The following ZNF469 variants were observed in gnomAD, a reference collection of about 807,000 sequenced individuals.
ZNF469 encodes the protein zinc finger protein 469.
Under a neutral mutation model 1.0 loss-of-function variants are expected in ZNF469, and 1 was observed. The observed-to-expected ratio is 1.00, with a 90% CI of 0.35 to 4.73. The LOEUF (loss-of-function observed/expected upper bound fraction) is 4.73, where lower values mean the gene tolerates loss of function less well. Ranked by LOEUF, ZNF469 falls within the 30% of genes most tolerant of loss-of-function variation. The pLI, the probability that ZNF469 is intolerant of heterozygous loss-of-function variation, is 0.16. For missense variants in ZNF469, 6,100 were observed against 5,356.3 expected (o/e 1.14, Z -4.33); for synonymous variants, 2,703 against 2,363.4 (o/e 1.14, Z -4.17).
the ZNF469 span, among the ~76,000 whole-genome samples, chr16:88,287,918 A>G: frequency 6.6e-6 from 1 of 152,096 alleles, no homozygotes. Flanking sequence ...TTTAGAAATG[A>G]TTTGAGATTT....
At chr16:88,293,961 G>A in the ZNF469 span, among the ~76,000 whole-genome samples, 2 of 152,276 alleles carry the variant, frequency 1.3e-5, no homozygotes, top group Non-Finnish European at 2.9e-5. Flanking sequence ...ACCACGAGAC[G>A]GCCTTTACTC....
At chr16:88,140,473 A>AGCCGTGTAGAAATCGGACGGT in the ZNF469 span, among the ~76,000 whole-genome samples, 1 of 151,240 alleles carries the variant, frequency 6.6e-6, no homozygotes, top group African/African-American at 2.5e-5. Context: ...GGTAGCACGG[A>AGCCGTGTAGAAATCGGACGGT]AAGTCAGTGA....
At chr16:88,211,018 G>A in the ZNF469 span, among the ~76,000 whole-genome samples, 1 of 152,276 alleles carries the variant, frequency 6.6e-6, no homozygotes, top group Non-Finnish European at 1.5e-5. Context: ...CGGCCGTTGA[G>A]TGGCCTTGGC....
chr16:88,279,143 C>T, the ZNF469 span, among the ~76,000 whole-genome samples: 2 of 133,686 alleles, frequency 1.5e-5, no homozygotes, highest in East Asian at 2.6e-4. Context: ...CTGCACCACG[C>T]CGACACTTGG....
rs202129382 is a variant in ZNF469, at chr16:88,436,165, G to A, written c.8695G>A (p.Gly2899Ser). 192 of 1,547,694 alleles carry A rather than the reference G, an allele frequency of 1.2e-4. No individual in the cohort carries two copies. In the African/African-American group the frequency reaches 1.5e-3, roughly 12 times the overall value. ...AACCCAGCCCAGCTTTGAGGAGGGC[G>A]GTGACCCCACGCTGGGCCCAGCCCG... ...LPTQPSFEEGGDPTLGPARLP... is the reference protein window; with the variant it reads ...LPTQPSFEEGSDPTLGPARLP... The change falls in exon 3 of 3, where the codon GGT becomes AGT. Residue 2899 changes from glycine (G) to serine (S), a missense_variant. Physicochemically the swap from Gly to Ser is moderately conservative, Grantham distance 56. Transcript: ENST00000565624.
intron 1 of ZNF469, among the ~76,000 whole-genome samples, 133 bp downstream of exon 1, chr16:88,383,387 C>T (rs2092530341): frequency 6.8e-6 from 1 of 147,874 alleles, no homozygotes; most frequent in African/African-American, 2.4e-5. Context: ...GGGGCCGCTC[C>T]CCGGCGGGGC....
the ZNF469 span, among the ~76,000 whole-genome samples, chr16:88,270,173 C>A: frequency 6.6e-6 from 1 of 152,168 alleles, no homozygotes; most frequent in Non-Finnish European, 1.5e-5. Flanking sequence ...CCTGGATGAC[C>A]CCAAGCCCAT....
the ZNF469 span, among the ~76,000 whole-genome samples, chr16:88,279,393 AGTGCACGG>A: frequency 1.3e-5 from 2 of 151,068 alleles, no homozygotes; most frequent in Admixed American, 6.6e-5. Context: ...TGTAGATATC[AGTGCACGG>A]TTAGTGCTGT....
chr16:88,433,109 G>T lies in ZNF469; in HGVS notation c.5639G>T (p.Ser1880Ile). 6.5e-7 allele frequency: 1 copy of T among 1,550,346 alleles called. No individual in the cohort carries two copies. Residue 1880 changes from serine (S) to isoleucine (I), a missense_variant, in exon 3 of 3, where the codon AGT becomes ATT. Physicochemically the swap from Ser to Ile is moderately radical, Grantham distance 142. Transcript: ENST00000565624. The stretch of plus-strand genomic sequence containing the variant: ...GAGGCTTGGTTGGTCCCTGTGCCAA[G>T]TCCCGCCTGTGTATCCAACACCCAC... The part of the protein sequence containing the change: ...GREAWLVPVP[S>I]PACVSNTHPS...
the ZNF469 span, among the ~76,000 whole-genome samples, chr16:88,236,295 C>G: frequency 6.6e-6 from 1 of 152,248 alleles, no homozygotes; most frequent in African/African-American, 2.4e-5. Context: ...GTCAAACACT[C>G]TATTCCTTCC....
chr16:88,130,189 G>A, the ZNF469 span, among the ~76,000 whole-genome samples: 5 of 152,144 alleles, frequency 3.3e-5, no homozygotes, highest in East Asian at 1.9e-4. Flanking sequence ...ATCGGGGTGC[G>A]TGCGCAGGAA....
upstream of ZNF469, among the ~76,000 whole-genome samples, chr16:88,381,200 TCA>T (rs1186304004): frequency 1.2e-4 from 6 of 50,422 alleles, no homozygotes; most frequent in African/African-American, 1.0e-3. Context: ...ACACATGCAT[TCA>T]CAGACACACA....
rs1281556109 is a variant in ZNF469 at position 88,431,097 on chromosome 16, C to G, written c.3627C>G (p.Thr1209=). ...ATCCCCTGCAGGTCCCCACCAACAC[C>G]GAGACCTCAGAGGAAACCCGCCCGT... ...PKDPLQVPTN[T]ETSEETRPSL... Residue 1209 remains threonine (T), a synonymous_variant, in exon 3 of 3, where the codon ACC becomes ACG. Coordinates refer to ENST00000565624, the MANE Select transcript of ZNF469 (RefSeq NM_001367624.2). 2.6e-6 allele frequency: 4 copies of G among 1,550,240 alleles called. No homozygotes were observed. The highest frequency in any genetic ancestry group is 2.4e-5 in the East Asian group (1 of 40,916).
chr16:88,318,271 C>T, the ZNF469 span, among the ~76,000 whole-genome samples: 1 of 152,240 alleles, frequency 6.6e-6, no homozygotes, highest in Non-Finnish European at 1.5e-5. Flanking sequence ...GCAAAGCCCC[C>T]AGTGGGCCCG....
the ZNF469 span, among the ~76,000 whole-genome samples, chr16:88,237,601 CTGTG>C: frequency 8.9e-5 from 4 of 45,178 alleles, 1 homozygote; most frequent in African/African-American, 1.7e-4. Flanking sequence ...TCCCTGCCCT[CTGTG>C]CTCCTGCCAG....
chr16:88,435,823 T>C lies in ZNF469; in HGVS notation c.8353T>C (p.Ser2785Pro). The change falls in exon 3 of 3, where the codon TCA becomes CCA. Residue 2785 changes from serine (S) to proline (P), a missense_variant. Ser to Pro is a moderately conservative substitution (Grantham distance 74). Coordinates refer to ENST00000565624, the MANE Select transcript of ZNF469 (RefSeq NM_001367624.2). ...AEDSSRAHSR[S>P]EEGVWEENTP... Reference sequence around the variant, plus strand: ...GGACAGCAGCAGGGCCCACAGCCGATCAGAGGAAGGTGTCTGGGAGGAGAA... The same window carrying C: ...GGACAGCAGCAGGGCCCACAGCCGACCAGAGGAAGGTGTCTGGGAGGAGAA... 6.4e-7 allele frequency: 1 copy of C among 1,550,500 alleles called. No homozygotes were observed. The highest frequency in any genetic ancestry group is 2.4e-5 in the East Asian group (1 of 40,912).
In ZNF469 at chr16:88,434,058, C is replaced by T; in HGVS notation, c.6588C>T (p.Pro2196=). The T allele has an allele frequency of 1.9e-6, 3 of 1,550,328 alleles. No homozygotes were observed. Among genetic ancestry groups the T allele is most frequent in the Non-Finnish European group, 1.7e-6 (2 of 1,146,902 alleles). ...GGGCTGAGGATTCCCCGGTGGCTCCCCCGTCTTTGACAACAAGCCCCTGCG... is the reference window on the plus strand; with the variant it reads ...GGGCTGAGGATTCCCCGGTGGCTCCTCCGTCTTTGACAACAAGCCCCTGCG... ...DTGAEDSPVA[P]PSLTTSPCDP... The change falls in exon 3 of 3, where the codon CCC becomes CCT. Residue 2196 remains proline (P), a synonymous_variant. Coordinates refer to ENST00000565624, the MANE Select transcript of ZNF469 (RefSeq NM_001367624.2).
In ZNF469 at chr16:88,431,507, C is replaced by G; in HGVS notation, c.4037C>G (p.Ser1346Cys). The G allele has an allele frequency of 6.4e-7, 1 of 1,550,446 alleles. No homozygotes were observed. The highest frequency in any genetic ancestry group is 1.4e-5 in the African/African-American group (1 of 73,190). Residue 1346 changes from serine (S) to cysteine (C), a missense_variant, in exon 3 of 3, where the codon TCT (serine) becomes TGT (cysteine). By Grantham distance (112) the Ser-to-Cys change is moderately radical. Coordinates refer to ENST00000565624, the MANE Select transcript of ZNF469 (RefSeq NM_001367624.2). ...GCCTGCCCCAAACCCAGTGTTCTGT[C>G]TTCAAAGATCTCCAGTTTTGGCTGT... ...STACPKPSVL[S>C]SKISSFGCDP...
the ZNF469 span, among the ~76,000 whole-genome samples, chr16:88,285,064 A>G: frequency 6.6e-6 from 1 of 152,236 alleles, no homozygotes. Flanking sequence ...GGGGAGGCGC[A>G]TTGCCCATGC....
Sources: gnomAD v4.1 joint callset for allele counts (sites outside exome capture counted in the v4.1 genomes callset) on GRCh38, gnomAD v4.1.1 for gene constraint, MANE v1.5 for transcripts, NCBI Gene and HGNC (gene_info 2026-07-23, HGNC 2026-07-21) for gene names.